TRPM3: variants seen among roughly 807,000 people sequenced by gnomAD.
The protein encoded by TRPM3 is long transient receptor potential channel 3.
In TRPM3, 77 loss-of-function variants were observed where a neutral mutation model predicts 181.2. The ratio of observed to expected loss-of-function variants is 0.42; its 90% confidence interval spans 0.35 to 0.51. The LOEUF is 0.51. Ranked by LOEUF, TRPM3 falls within the 20% of genes least tolerant of loss-of-function variation. TRPM3 has a pLI of 0.01. For missense variants in TRPM3, 1,759 were observed against 2,196.7 expected, an observed-to-expected ratio of 0.80 and a Z score of 3.98; for synonymous variants, 745 against 796.4, an observed-to-expected ratio of 0.94 and a Z score of 1.09.
At chr9:71,198,431 G>T (rs11142727) in intron 1 of TRPM3, among the ~76,000 whole-genome samples, 20,456 of 152,072 alleles carry the variant, frequency 0.13, 1,766 homozygotes, top group Non-Finnish European at 0.19. Flanking sequence ...AGCTTCATGG[G>T]GATGGCATTA....
intron 1 of TRPM3, among the ~76,000 whole-genome samples, chr9:71,332,265 C>T (rs2090247016): frequency 6.6e-6 from 1 of 151,310 alleles, no homozygotes; most frequent in South Asian, 2.1e-4. Context: ...GCTTTTATTC[C>T]ACTATTTTAT....
intron 9 of TRPM3, among the ~76,000 whole-genome samples, chr9:70,671,930 A>G (rs113149264): frequency 4.3e-4 from 61 of 141,520 alleles, no homozygotes; most frequent in Non-Finnish European, 4.9e-4. Flanking sequence ...TGTCCAGCTA[A>G]TTTTTTTTTT....
intron 6 of TRPM3, among the ~76,000 whole-genome samples, chr9:70,799,045 A>G (rs2088077572): frequency 6.6e-6 from 1 of 152,224 alleles, no homozygotes; most frequent in Admixed American, 6.5e-5. Flanking sequence ...ATTGTTTCTC[A>G]GAATTGAACC....
chr9:71,203,142 AC>A (rs1374630127), intron 1 of TRPM3, among the ~76,000 whole-genome samples: 1 of 152,196 alleles, frequency 6.6e-6, no homozygotes, highest in East Asian at 1.9e-4. Flanking sequence ...GTTTACACTG[AC>A]TGATACTGTC....
chr9:71,055,262 AAAT>A (rs2060528100), intron 1 of TRPM3, among the ~76,000 whole-genome samples: 1 of 152,086 alleles, frequency 6.6e-6, no homozygotes, highest in African/African-American at 2.4e-5. Context: ...CTGGTTATAA[AAAT>A]AATAATGTGG....
At chr9:71,017,055 GAT>G (rs2097790646) in intron 1 of TRPM3, among the ~76,000 whole-genome samples, 1 of 152,056 alleles carries the variant, frequency 6.6e-6, no homozygotes, top group Non-Finnish European at 1.5e-5. Flanking sequence ...CTATGTGCCA[GAT>G]ATGTCTATAT....
chr9:70,902,798 A>G (rs1181095136), intron 1 of TRPM3, among the ~76,000 whole-genome samples: 1 of 152,204 alleles, frequency 6.6e-6, no homozygotes, highest in Non-Finnish European at 1.5e-5. Flanking sequence ...ACTCACACAT[A>G]GTAATGTTTT....
intron 1 of TRPM3, among the ~76,000 whole-genome samples, chr9:71,039,630 A>C (rs2058604813): frequency 6.6e-6 from 1 of 152,220 alleles, no homozygotes; most frequent in African/African-American, 2.4e-5. Context: ...GATTATTCTT[A>C]CTAATGCAGA....
chr9:70,896,880 G>A (rs1427375723), intron 1 of TRPM3, among the ~76,000 whole-genome samples: 1 of 143,278 alleles, frequency 7.0e-6, no homozygotes, highest in African/African-American at 2.6e-5. Flanking sequence ...TTTTCTACAA[G>A]TCAGAGCAGC....
intron 6 of TRPM3, among the ~76,000 whole-genome samples, chr9:70,810,429 T>C (rs530815677): frequency 6.7e-6 from 1 of 149,166 alleles, no homozygotes; most frequent in Non-Finnish European, 1.5e-5. Context: ...TATGGGTACA[T>C]GATCAGGAGG....
intron 1 of TRPM3, among the ~76,000 whole-genome samples, chr9:71,413,857 TC>T (rs1381171683): frequency 1.5e-5 from 2 of 136,028 alleles, no homozygotes; most frequent in African/African-American, 3.1e-5. Context: ...AATACATTTC[TC>T]TTTTTTTTTT....
At chr9:70,781,350 G>A (rs757038116) in intron 7 of TRPM3, among the ~76,000 whole-genome samples, 1,710 of 101,304 alleles carry the variant, frequency 0.017, no homozygotes, top group South Asian at 0.025. Flanking sequence ...AAAAAAAAAA[G>A]AAAACATGAT....
rs59255028 is a variant in TRPM3, at chr9:70,880,231, A to G, written c.178-15720T>C. On this transcript the variant is annotated intron_variant, in intron 1 of 25. Transcript: ENST00000677713. ...AACATTTTTTTCTTAATGTCAGTAG[A>G]TATCATTATTTAAATTCAGCCATTT... 9.1e-3 allele frequency among the ~76,000 whole-genome samples: 1,384 copies of G among 152,202 alleles called. 16 individuals are homozygous for G. The highest frequency in any genetic ancestry group is 0.032 in the African/African-American group (1,326 of 41,526).
intron 1 of TRPM3, among the ~76,000 whole-genome samples, chr9:71,161,588 G>A (rs2076274490): frequency 6.6e-6 from 1 of 152,016 alleles, no homozygotes; most frequent in Non-Finnish European, 1.5e-5. Flanking sequence ...CTAAGTGTGG[G>A]GTAACTGAAA....
chr9:71,067,348 G>A (rs1021145195), intron 1 of TRPM3, among the ~76,000 whole-genome samples: 8 of 152,118 alleles, frequency 5.3e-5, no homozygotes, highest in African/African-American at 1.9e-4. Context: ...TGATCTTTTA[G>A]TATATAACCA....
chr9:70,862,950 C>G lies in TRPM3; in HGVS notation c.420G>C (p.Gly140=), dbSNP rs779974864. ...GGCCACCTCCTTGGAACTCAATGGT[C>G]CCAAAAGCATCCGTAGGGCTGAGTT... ...HTQLSPTDAF[G]TIEFQGGGHS... The change falls in exon 3 of 26, where the codon GGG becomes GGC. Residue 140 remains glycine, a synonymous_variant. Coordinates refer to ENST00000677713, the MANE Select transcript of TRPM3 (RefSeq NM_001366145.2). 1 of 1,613,468 alleles carries G rather than the reference C, an allele frequency of 6.2e-7. No individual in the cohort carries two copies.
At chr9:71,051,629 A>C (rs1013074375) in intron 1 of TRPM3, among the ~76,000 whole-genome samples, 1 of 152,162 alleles carries the variant, frequency 6.6e-6, no homozygotes, top group African/African-American at 2.4e-5. Context: ...CTTATTGTAC[A>C]TTCCAAATGT....
intron 1 of TRPM3, among the ~76,000 whole-genome samples, chr9:70,867,162 GTCT>G (rs2095666634): frequency 6.6e-6 from 1 of 151,964 alleles, no homozygotes; most frequent in Non-Finnish European, 1.5e-5. Context: ...ACTCTGCTAT[GTCT>G]TCTTCTTTTC....
Position 71,321,171 on chromosome 9 carries a change from T to C in TRPM3, c.183+125482A>G, listed in dbSNP as rs116241977. On this transcript the variant is annotated intron_variant, in intron 1 of 24. Coordinates refer to the TRPM3 transcript ENST00000357533. ...GAAGGATCTTTCAAAACACAAACCA[T>C]CCCTTCCTACTCCTCAGAATATCTG... Among the ~76,000 whole-genome samples the C allele has an allele frequency of 4.5e-3, 682 of 152,226 alleles. 9 individuals are homozygous for C. Among genetic ancestry groups the C allele is most frequent in the African/African-American group, 0.016 (654 of 41,548 alleles).
Sources: gnomAD v4.1 joint callset for allele counts (sites outside exome capture counted in the v4.1 genomes callset) on GRCh38, gnomAD v4.1.1 for gene constraint, MANE v1.5 for transcripts, NCBI Gene and HGNC (gene_info 2026-07-23, HGNC 2026-07-21) for gene names.